TPP2: variants seen among roughly 807,000 people sequenced by gnomAD.
The protein encoded by TPP2 is tripeptidyl peptidase 2, also known as tripeptidyl-peptidase 2.
In TPP2, 34 loss-of-function variants were observed where a neutral mutation model predicts 155.9. The observed-to-expected ratio is 0.22, with a 90% CI of 0.17 to 0.29. TPP2 has a LOEUF of 0.29. Among genes scored for constraint, TPP2 ranks in the 10% least tolerant of loss-of-function variants. The probability of loss-of-function intolerance (pLI) is 1.00; values close to 1 mark genes in which losing one functional copy is unlikely to be tolerated. For missense variants in TPP2, 1,028 were observed against 1,522.3 expected (o/e 0.68, Z 5.40); for synonymous variants, 510 against 529.4 (o/e 0.96, Z 0.50).
rs1595236263 is a variant in TPP2, at chr13:102,679,328, T to C, written c.*1012T>C. 1 of 152,270 alleles carries C rather than the reference T, an allele frequency of 6.6e-6. No homozygotes were observed. The highest frequency in any genetic ancestry group is 2.4e-5 in the African/African-American group (1 of 41,476). The allele number at this position is 152,270 out of a possible 1,614,324, so 9.4% of individuals were successfully genotyped here. The stretch of plus-strand genomic sequence containing the variant: ...GAATGTATTTCCAGTTCTTGTATGA[T>C]TAACTTTTGTGCATATCTAACTTTT... On this transcript the variant is annotated 3_prime_UTR_variant, in exon 30 of 30. Transcript: ENST00000376052.
At chr13:102,651,096 A>G (rs923831993) in intron 23 of TPP2, among the ~76,000 whole-genome samples, 1 of 152,206 alleles carries the variant, frequency 6.6e-6, no homozygotes, top group East Asian at 1.9e-4. Flanking sequence ...TTTATAAGCA[A>G]TAGATTTTGA....
chr13:102,679,196 A>G lies in TPP2; in HGVS notation c.*880A>G, dbSNP rs1387262802. On this transcript the variant is annotated 3_prime_UTR_variant, in exon 30 of 30. Transcript: ENST00000376052. Reference sequence around the variant, plus strand: ...TAAAGTTGGTCTTAATTTTTCATAAATAAAATTTGGGGTTATAACAGAAAT... The same window carrying G: ...TAAAGTTGGTCTTAATTTTTCATAAGTAAAATTTGGGGTTATAACAGAAAT... 2 of 152,586 alleles carry G rather than the reference A, an allele frequency of 1.3e-5. No homozygotes were observed. Among genetic ancestry groups the G allele is most frequent in the African/African-American group, 2.4e-5 (1 of 41,448 alleles). The allele number at this position is 152,586 out of a possible 1,614,324, so 9.5% of individuals were successfully genotyped here.
intron 16 of TPP2, among the ~76,000 whole-genome samples, chr13:102,642,534 T>C (rs1417553303): frequency 6.6e-6 from 1 of 152,130 alleles, no homozygotes; most frequent in Non-Finnish European, 1.5e-5. Context: ...GTCATAACAC[T>C]AGATTTTGTA....
chr13:102,629,713 C>A, intron 9 of TPP2, 104 bp downstream of exon 9: 1 of 1,396,566 alleles, frequency 7.2e-7, no homozygotes, highest in Non-Finnish European at 9.4e-7. Context: ...AGACACTGTA[C>A]ACCTTAAGTG....
chr13:102,646,094 CTG>C (rs1180876415), intron 19 of TPP2, among the ~76,000 whole-genome samples, 198 bp from the exon 20 acceptor site: 3 of 152,202 alleles, frequency 2.0e-5, no homozygotes, highest in African/African-American at 7.2e-5. Flanking sequence ...AAAATCTAAA[CTG>C]TATGTATTGA....
chr13:102,642,042 T>C (rs1882802823), intron 16 of TPP2, among the ~76,000 whole-genome samples: 10 of 152,142 alleles, frequency 6.6e-5, no homozygotes, highest in Admixed American at 6.5e-4. Flanking sequence ...GAAGTCTGGG[T>C]TTGGATCCAC....
At chr13:102,625,338 G>C (rs1427653846) in intron 6 of TPP2, among the ~76,000 whole-genome samples, 1 of 150,728 alleles carries the variant, frequency 6.6e-6, no homozygotes, top group Non-Finnish European at 1.5e-5. Flanking sequence ...CTAATTTTTT[G>C]TATTTTTAGT....
Position 102,645,079 on chromosome 13 carries a change from A to T in TPP2, c.2393+70A>T, listed in dbSNP as rs892119019. On this transcript the variant is annotated intron_variant, in intron 19 of 29. Coordinates refer to ENST00000376052, the MANE Select transcript of TPP2 (RefSeq NM_001330588.2). ...GGGGGGATCTCTTACACTCTTAAAA[A>T]AGGGCCTTTTTTTTTTTTAATCCAC... 11 of 1,438,644 alleles carry T rather than the reference A, an allele frequency of 7.6e-6. No homozygotes were observed. The African/African-American group carries it at 9.1e-5, about 12-fold the overall frequency. 89.1% of individuals were successfully genotyped at this position (1,438,644 alleles called of 1,614,324 possible). A position where few individuals can be genotyped will look rare whatever the true frequency, so the allele number is the denominator to read the frequency against.
At chr13:102,656,444 T>G (rs765319034) in intron 24 of TPP2, among the ~76,000 whole-genome samples, 2 of 152,166 alleles carry the variant, frequency 1.3e-5, no homozygotes, top group African/African-American at 4.8e-5. Context: ...GCGTAAGATA[T>G]TACCTCTTCA....
rs191394793 is a variant in TPP2, at chr13:102,612,363, A to G, written c.295-1738A>G. On this transcript the variant is annotated intron_variant, in intron 2 of 29. Coordinates refer to ENST00000376052, the MANE Select transcript of TPP2 (RefSeq NM_001330588.2). ...TTGATTTGTTAGGCATCCTCTCTTTAAGAGAGTCAGAGAAATGAGGTGTAA... is the reference window on the plus strand; with the variant it reads ...TTGATTTGTTAGGCATCCTCTCTTTGAGAGAGTCAGAGAAATGAGGTGTAA... 1.5e-3 allele frequency among the ~76,000 whole-genome samples: 223 copies of G among 152,318 alleles called. 2 individuals carry two copies. The highest frequency in any genetic ancestry group is 5.2e-3 in the African/African-American group (216 of 41,586).
chr13:102,674,093 TAGTAGCTC>T (rs1194317830), intron 27 of TPP2, among the ~76,000 whole-genome samples, 182 bp from the exon 28 acceptor site: 1 of 152,204 alleles, frequency 6.6e-6, no homozygotes, highest in Non-Finnish European at 1.5e-5. Context: ...ATGTGTAATA[TAGTAGCTC>T]ATTTGATGTT....
intron 16 of TPP2, among the ~76,000 whole-genome samples, chr13:102,640,885 C>T (rs1882721640): frequency 6.6e-6 from 1 of 151,962 alleles, no homozygotes; most frequent in South Asian, 2.1e-4. Flanking sequence ...CTCTTGACCT[C>T]GTGATACACT....
At chr13:102,657,638 CTG>C (rs2139572929) in intron 25 of TPP2, among the ~76,000 whole-genome samples, 1 of 151,890 alleles carries the variant, frequency 6.6e-6, no homozygotes, top group East Asian at 1.9e-4. Flanking sequence ...TTTTTAATGT[CTG>C]TGTTGTATAT....
chr13:102,610,507 A>G (rs1386768429), intron 2 of TPP2, among the ~76,000 whole-genome samples: 1 of 152,104 alleles, frequency 6.6e-6, no homozygotes, highest in Non-Finnish European at 1.5e-5. Flanking sequence ...TGGGATTACA[A>G]ATGTCAGCCA....
At chr13:102,643,139 C>T in intron 16 of TPP2, 83 bp from the exon 17 acceptor site, 1 of 1,328,574 alleles carries the variant, frequency 7.5e-7, no homozygotes, top group Non-Finnish European at 1.0e-6. Flanking sequence ...GGAATTATCC[C>T]TAAGTGGGCA....
chr13:102,637,267 C>G, intron 14 of TPP2, 28 bp downstream of exon 14: 1 of 1,563,416 alleles, frequency 6.4e-7, no homozygotes, highest in South Asian at 1.2e-5. Context: ...TTTTTACTTT[C>G]TTCACTCTTT....
At chr13:102,662,475 TCC>T (rs1182721331) in intron 25 of TPP2, among the ~76,000 whole-genome samples, 3 of 152,130 alleles carry the variant, frequency 2.0e-5, no homozygotes, top group Admixed American at 2.0e-4. Context: ...TTATTAGCAT[TCC>T]CTAGCAAAAC....
chr13:102,617,072 C>T (rs1306511785), intron 4 of TPP2, among the ~76,000 whole-genome samples: 2 of 149,624 alleles, frequency 1.3e-5, no homozygotes, highest in Non-Finnish European at 3.0e-5. Flanking sequence ...CCACACCCGA[C>T]TAGTTTTTTT....
rs2139626228 is a variant in TPP2, at chr13:102,676,373, G to A, written c.3657G>A (p.Val1219=). ...GCCTTAAATTTGCAACTAAACTTGTGGAAGAAAAACCAACAAAAGAAAACT... is the reference window on the plus strand; with the variant it reads ...GCCTTAAATTTGCAACTAAACTTGTAGAAGAAAAACCAACAAAAGAAAACT... The part of the protein sequence containing the change: ...GRGLKFATKL[V]EEKPTKENWK... Residue 1219 remains valine, a synonymous_variant, in exon 29 of 30, where the codon GTG becomes GTA. Coordinates refer to ENST00000376052, the MANE Select transcript of TPP2 (RefSeq NM_001330588.2). 6.2e-7 allele frequency: 1 copy of A among 1,610,906 alleles called. No individual in the cohort carries two copies. Among genetic ancestry groups the A allele is most frequent in the Non-Finnish European group, 8.5e-7 (1 of 1,177,942 alleles).
Sources: gnomAD v4.1 joint callset for allele counts (sites outside exome capture counted in the v4.1 genomes callset) on GRCh38, gnomAD v4.1.1 for gene constraint, MANE v1.5 for transcripts, NCBI Gene and HGNC (gene_info 2026-07-23, HGNC 2026-07-21) for gene names.